The following SLC13A1 variants were observed in gnomAD, a reference collection of about 807,000 sequenced individuals.
SLC13A1 encodes the protein Na(+)/sulfate cotransporter.
SLC13A1 carries 65 observed loss-of-function variants against 70.0 expected under a neutral mutation model. The observed-to-expected ratio is 0.93, with a 90% CI of 0.76 to 1.14. The LOEUF (loss-of-function observed/expected upper bound fraction) is 1.14, where lower values mean the gene tolerates loss of function less well. Ranked by LOEUF, SLC13A1 falls within the 50% of genes most tolerant of loss-of-function variation. The pLI is 0.00. For synonymous variants in SLC13A1, 275 were observed against 250.5 expected (o/e 1.10, Z -0.92); for missense variants, 726 against 717.8 (o/e 1.01, Z -0.13).
chr7:123,199,654 C>A (rs1355586842), intron 1 of SLC13A1, among the ~76,000 whole-genome samples, 194 bp downstream of exon 1: 1 of 151,994 alleles, frequency 6.6e-6, no homozygotes, highest in Non-Finnish European at 1.5e-5. Context: ...TTTAATCATA[C>A]TAAGAATCAA....
intron 2 of SLC13A1, among the ~76,000 whole-genome samples, chr7:123,174,012 A>T (rs1795363316): frequency 1.6e-5 from 2 of 128,750 alleles, no homozygotes; most frequent in Non-Finnish European, 1.7e-5. Context: ...CCTGCCTGTG[A>T]ATTTTTCTTT....
At chr7:123,162,326 T>C (rs1794943127) in intron 6 of SLC13A1, among the ~76,000 whole-genome samples, 1 of 152,154 alleles carries the variant, frequency 6.6e-6, no homozygotes. Flanking sequence ...AGACCACAAC[T>C]AAGAATGGCC....
chr7:123,125,760 G>C, intron 10 of SLC13A1, 85 bp from the exon 11 acceptor site: 5 of 901,322 alleles, frequency 5.5e-6, no homozygotes, highest in Non-Finnish European at 9.1e-6. Flanking sequence ...TAACATATCA[G>C]TAATAGGTTA....
Position 123,147,264 on chromosome 7 carries a change from G to C in SLC13A1, c.707C>G (p.Thr236Arg), listed in dbSNP as rs1585329023. The change falls in exon 7 of 15, where the codon ACA (threonine) becomes AGA (arginine). Residue 236 changes from threonine to arginine, a missense_variant. By Grantham distance (71) the Thr-to-Arg change is moderately conservative. Coordinates refer to ENST00000194130, the MANE Select transcript of SLC13A1 (RefSeq NM_022444.4). ...TKYRTKKGHV[T>R]RKLTCLCIAY... ...AATGCACAAACACGTAAGTTTACGT[G>C]TCACGTGGCCCTTCTTTGTTCGATA... The C allele has an allele frequency of 6.2e-7, 1 of 1,613,646 alleles. No homozygotes were observed. The highest frequency in any genetic ancestry group is 2.2e-5 in the East Asian group (1 of 44,774).
chr7:123,151,021 G>C (rs996766487), intron 6 of SLC13A1, among the ~76,000 whole-genome samples: 1 of 151,888 alleles, frequency 6.6e-6, no homozygotes, highest in African/African-American at 2.4e-5. Context: ...GTATCCAATT[G>C]CCTGTTCAAC....
chr7:123,135,934 C>T (rs1563324546), intron 7 of SLC13A1, among the ~76,000 whole-genome samples: 1 of 152,186 alleles, frequency 6.6e-6, no homozygotes, highest in Non-Finnish European at 1.5e-5. Context: ...TACTTTATCA[C>T]ATCCATGAGG....
chr7:123,150,788 T>C (rs953126600), intron 6 of SLC13A1, among the ~76,000 whole-genome samples: 3 of 152,220 alleles, frequency 2.0e-5, no homozygotes, highest in Non-Finnish European at 2.9e-5. Context: ...ATCTCACTCT[T>C]TGGATTTTTC....
At chr7:123,132,538 A>G (rs1337587981) in intron 8 of SLC13A1, among the ~76,000 whole-genome samples, 1 of 151,916 alleles carries the variant, frequency 6.6e-6, no homozygotes, top group Non-Finnish European at 1.5e-5. Flanking sequence ...CGCCCAGCTA[A>G]TTTTTGTATT....
intron 6 of SLC13A1, among the ~76,000 whole-genome samples, chr7:123,153,459 C>CA (rs1468443547): frequency 6.6e-5 from 10 of 151,894 alleles, no homozygotes; most frequent in Non-Finnish European, 4.4e-5. Flanking sequence ...ACATGAGCTC[C>CA]ATGCATTCAG....
At chr7:123,179,272 A>G (rs140947121) in intron 2 of SLC13A1, among the ~76,000 whole-genome samples, 101 of 152,312 alleles carry the variant, frequency 6.6e-4, no homozygotes, top group African/African-American at 2.3e-3. Flanking sequence ...AATAAAGCTG[A>G]GTTACTTATG....
chr7:123,183,579 A>G lies in SLC13A1; in HGVS notation c.100-2478T>C, dbSNP rs1005477582. ...TCAAGAATCAACACTTAGATTGTGC[A>G]TTTGGACTTCTCCCCTCTCTGCCCC... On this transcript the variant is annotated intron_variant, in intron 1 of 14. Transcript: ENST00000194130. Among the ~76,000 whole-genome samples the G allele has an allele frequency of 3.7e-4, 57 of 152,150 alleles. 1 individual carries two copies. Among genetic ancestry groups the G allele is most frequent in the African/African-American group, 1.3e-3 (55 of 41,430 alleles).
intron 8 of SLC13A1, among the ~76,000 whole-genome samples, chr7:123,134,172 C>A (rs1451446669): frequency 6.6e-6 from 1 of 152,152 alleles, no homozygotes; most frequent in Non-Finnish European, 1.5e-5. Context: ...GGATTATAGG[C>A]ATGAGCCACC....
intron 6 of SLC13A1, among the ~76,000 whole-genome samples, chr7:123,150,892 T>A (rs137988387): frequency 6.6e-6 from 1 of 152,246 alleles, no homozygotes; most frequent in African/African-American, 2.4e-5. Context: ...CAGGCCCTTG[T>A]CTCTCCTCAC....
intron 1 of SLC13A1, among the ~76,000 whole-genome samples, chr7:123,194,002 G>A (rs750563602): frequency 5.3e-5 from 8 of 152,026 alleles, no homozygotes; most frequent in East Asian, 1.9e-4. Context: ...CTTCTGCCAC[G>A]CTAGATCATC....
Position 123,134,516 on chromosome 7 carries a change from A to C in SLC13A1, c.826T>G (p.Cys276Gly). The change falls in exon 8 of 15, where the codon TGT becomes GGT. Residue 276 changes from cysteine (C) to glycine (G), a missense_variant. By Grantham distance (159) the Cys-to-Gly change is radical. Transcript: ENST00000194130. ...CATGATCCAAAGTTGAGGCAACGAC[A>C]GTCAGGATAGCGTCTGTGTGAAAAC... Reference protein sequence around the residue: ...AEYFNTRYPDCRCLNFGSWFT... With the variant: ...AEYFNTRYPDGRCLNFGSWFT... The C allele has an allele frequency of 6.2e-7, 1 of 1,613,414 alleles. No homozygotes were observed. Among genetic ancestry groups the C allele is most frequent in the African/African-American group, 1.3e-5 (1 of 75,036 alleles).
intron 14 of SLC13A1, among the ~76,000 whole-genome samples, chr7:123,116,207 C>T (rs367990212): frequency 6.6e-6 from 1 of 152,166 alleles, no homozygotes; most frequent in Admixed American, 6.5e-5. Context: ...TTAGCATTCT[C>T]ATGGTTTTAG....
intron 3 of SLC13A1, 75 bp downstream of exon 3, chr7:123,171,693 C>G (rs149717423): frequency 1.2e-4 from 168 of 1,435,924 alleles, no homozygotes; most frequent in Non-Finnish European, 1.5e-4. Flanking sequence ...GCGTGAATTA[C>G]TTATTTGATT....
Position 123,199,837 on chromosome 7 carries a change from G to A in SLC13A1, c.99+11C>T. ...AGGAAATCCACCAGTCTGTTCTCCA[G>A]GTTCACTCACCTTGGTGTGGAGGAC... On this transcript the variant is annotated intron_variant, in intron 1 of 14. Coordinates refer to ENST00000194130, the MANE Select transcript of SLC13A1 (RefSeq NM_022444.4). The A allele has an allele frequency of 6.3e-7, 1 of 1,587,774 alleles. No individual in the cohort carries two copies. The highest frequency in any genetic ancestry group is 8.6e-7 in the Non-Finnish European group (1 of 1,157,046).
chr7:123,128,963 A>G lies in SLC13A1; in HGVS notation c.1032-17T>C, dbSNP rs561386934. ...TCTTGATACCTGTGGAAAAATTCCAATGGCATCACTTCTTATTTTCTCAGT... is the reference window on the plus strand; with the variant it reads ...TCTTGATACCTGTGGAAAAATTCCAGTGGCATCACTTCTTATTTTCTCAGT... On this transcript the variant is annotated splice_polypyrimidine_tract_variant and intron_variant, in intron 9 of 14. Coordinates refer to ENST00000194130, the MANE Select transcript of SLC13A1 (RefSeq NM_022444.4). 13 of 1,515,178 alleles carry G rather than the reference A, an allele frequency of 8.6e-6. 1 individual carries two copies. In the Admixed American group the frequency reaches 1.0e-4, roughly 12 times the overall value. 93.9% of individuals were successfully genotyped at this position (1,515,178 alleles called of 1,614,324 possible).
Sources: allele counts gnomAD v4.1 joint callset (sites outside exome capture counted in the v4.1 genomes callset), GRCh38; gene constraint gnomAD v4.1.1; transcripts MANE v1.5; gene names NCBI Gene and HGNC (gene_info 2026-07-23, HGNC 2026-07-21).